CELF1: variants seen among roughly 807,000 people sequenced by gnomAD.
CELF1 encodes the protein 50 kDa nuclear polyadenylated RNA-binding protein.
CELF1 carries 10 observed loss-of-function variants against 61.8 expected under a neutral mutation model. That is an observed-to-expected ratio of 0.16 (90% CI 0.10 to 0.27). CELF1 has a LOEUF of 0.27. Ranked by LOEUF, CELF1 falls within the 10% of genes least tolerant of loss-of-function variation. The probability of loss-of-function intolerance (pLI) is 1.00; values close to 1 mark genes in which losing one functional copy is unlikely to be tolerated. For missense variants in CELF1, 380 were observed against 639.1 expected (o/e 0.59, Z 4.37); for synonymous variants, 236 against 225.1 (o/e 1.05, Z -0.43).
rs779873185 is a variant in CELF1, at chr11:47,473,139, C to T, written c.1366G>A (p.Val456Met). The change falls in exon 14 of 15, where the codon GTG becomes ATG. Residue 456 changes from valine to methionine, a missense_variant. By Grantham distance (21) the Val-to-Met change is conservative. Transcript: ENST00000687097. ...TTGTCTATGAAAACCTTGGCAGACA[C>T]GACATTCCCAAAGGGCATAAACATC... ...LQMFMPFGNV[V>M]SAKVFIDKQT... is the part of the protein sequence containing the mutation. The T allele has an allele frequency of 7.4e-6, 12 of 1,614,018 alleles. No homozygotes were observed. The highest frequency in any genetic ancestry group is 2.7e-5 in the African/African-American group (2 of 74,902).
At chr11:47,533,170 A>T (rs1224300995) in intron 1 of CELF1, among the ~76,000 whole-genome samples, 2 of 152,038 alleles carry the variant, frequency 1.3e-5, no homozygotes, top group South Asian at 2.1e-4. Flanking sequence ...TTCAAGAAAT[A>T]GTACCATACA....
intron 1 of CELF1, among the ~76,000 whole-genome samples, chr11:47,536,501 G>A (rs1365794948): frequency 6.6e-6 from 1 of 152,132 alleles, no homozygotes; most frequent in African/African-American, 2.4e-5. Flanking sequence ...GCTCATGCCT[G>A]TAATCTCAGC....
At chr11:47,516,829 C>T (rs2095581597) in intron 1 of CELF1, among the ~76,000 whole-genome samples, 1 of 152,106 alleles carries the variant, frequency 6.6e-6, no homozygotes, top group African/African-American at 2.4e-5. Flanking sequence ...TTTTGAACTC[C>T]TGACCTCAGG....
At position 47,516,960 on chromosome 11, in the gene CELF1, C is replaced by T. The variant is rs377256983; in HGVS notation, c.-153-16028G>A. Among the ~76,000 whole-genome samples the T allele has an allele frequency of 3.5e-4, 53 of 152,166 alleles. 1 individual carries two copies. The South Asian group carries it at 0.011, about 30-fold the overall frequency. On this transcript the variant is annotated intron_variant, in intron 1 of 14. Coordinates refer to ENST00000687097, the MANE Select transcript of CELF1 (RefSeq NM_001376376.1). ...CAAAATATAAAAAGGGATAGTATCT[C>T]ATCAATATTGAAAACTGAGCTGAGC...
rs1356455637 is a variant in CELF1 at position 47,466,294 on chromosome 11, AC to A, written c.*5935del. On this transcript the variant is annotated 3_prime_UTR_variant, in exon 15 of 15. Transcript: ENST00000687097. ...AAGACATTTTCTTTTGCAAATCAAA[AC>A]AGGAAAGAAAGGAAAAGCTCAAACA... 1 of 152,244 alleles carries A rather than the reference AC, an allele frequency of 6.6e-6. No homozygotes were observed. The highest frequency in any genetic ancestry group is 1.5e-5 in the Non-Finnish European group (1 of 68,046). 9.4% of individuals were successfully genotyped at this position (152,244 alleles called of 1,614,324 possible).
chr11:47,487,866 G>GTAGGAGA (rs2088540390), intron 4 of CELF1, among the ~76,000 whole-genome samples: 1 of 152,144 alleles, frequency 6.6e-6, no homozygotes, highest in African/African-American at 2.4e-5. Context: ...ATTTTGGGTA[G>GTAGGAGA]TAGGAGAGGA....
intron 1 of CELF1, among the ~76,000 whole-genome samples, chr11:47,518,598 A>G (rs978444933): frequency 3.9e-5 from 6 of 152,172 alleles, no homozygotes; most frequent in African/African-American, 1.4e-4. Context: ...TCACACTGTA[A>G]TATCTTGTCT....
chr11:47,561,541 G>A (rs1293368941), intron 2 of CELF1, among the ~76,000 whole-genome samples: 2 of 151,174 alleles, frequency 1.3e-5, no homozygotes, highest in African/African-American at 2.4e-5. Context: ...TGGCAACCAT[G>A]TGGCAACATT....
chr11:47,558,722 C>T (rs1479900792), intron 2 of CELF1, among the ~76,000 whole-genome samples: 140 of 72,422 alleles, frequency 1.9e-3, no homozygotes, highest in African/African-American at 8.2e-3. Flanking sequence ...AATATTATGA[C>T]ATATATTATA....
exon 1 of CELF1, chr11:47,565,359 C>G: frequency 4.0e-6 from 1 of 249,094 alleles, no homozygotes. Flanking sequence ...AGGGCTCACA[C>G]GTGTCTGGCC....
intron 1 of CELF1, among the ~76,000 whole-genome samples, chr11:47,543,034 C>A (rs1334638527): frequency 6.6e-6 from 1 of 152,052 alleles, no homozygotes. Flanking sequence ...GCTGGAGGAT[C>A]GCTTGAGCCC....
chr11:47,489,935 G>GTTGTTTTTTTTTTTTTTTTTTTTTTTTTT (rs1555170252), intron 3 of CELF1, among the ~76,000 whole-genome samples: 1 of 48,226 alleles, frequency 2.1e-5, no homozygotes, highest in Non-Finnish European at 3.9e-5. Flanking sequence ...ATACCATCTT[G>GTTGTTTTTTTTTTTTTTTTTTTTTTTTTT]TTTTTTTTTT....
At chr11:47,500,964 A>G (rs1382280943) in intron 1 of CELF1, 32 bp from the exon 2 acceptor site, 2 of 398,498 alleles carry the variant, frequency 5.0e-6, no homozygotes, top group Non-Finnish European at 4.4e-6. Context: ...GAACTACTAA[A>G]CACACAGAGT....
intron 1 of CELF1, among the ~76,000 whole-genome samples, chr11:47,504,344 G>C (rs2094272884): frequency 6.6e-6 from 1 of 152,026 alleles, no homozygotes; most frequent in Non-Finnish European, 1.5e-5. Flanking sequence ...CCAGCACTTT[G>C]GGAGGCCAAG....
At chr11:47,530,058 T>G (rs978430365) in intron 1 of CELF1, among the ~76,000 whole-genome samples, 1 of 152,202 alleles carries the variant, frequency 6.6e-6, no homozygotes, top group Non-Finnish European at 1.5e-5. Flanking sequence ...GCCTAAAATT[T>G]TTAGGTTCTC....
At chr11:47,540,684 G>C (rs140287883) in intron 1 of CELF1, among the ~76,000 whole-genome samples, 1,678 of 152,178 alleles carry the variant, frequency 0.011, 40 homozygotes, top group African/African-American at 0.036. Flanking sequence ...AGGAGTTCAA[G>C]ACCACCCTGG....
Position 47,472,989 on chromosome 11 carries a change from A to C in CELF1, c.1417+99T>G, listed in dbSNP as rs13377225. On this transcript the variant is annotated intron_variant, in intron 14 of 14. Coordinates refer to ENST00000687097, the MANE Select transcript of CELF1 (RefSeq NM_001376376.1). ...ACCTGCCCATGGCCAAGTTAAAACA[A>C]CACCACAAACTCATATTCAGATCTT... The C allele has an allele frequency of 2.5e-3, 3,525 of 1,384,030 alleles. 83 individuals are homozygous for C. The African/African-American group carries it at 0.044, about 17-fold the overall frequency. 85.7% of individuals were successfully genotyped at this position (1,384,030 alleles called of 1,614,324 possible). A position where few individuals can be genotyped will look rare whatever the true frequency, so the allele number is the denominator to read the frequency against.
At chr11:47,565,420 TCGGTCCCTCCTCCGAGGCCGC>T in exon 1 of CELF1, 2 of 362,560 alleles carry the variant, frequency 5.5e-6, no homozygotes, top group Non-Finnish European at 9.3e-6. Flanking sequence ...CCAGGAAACC[TCGGTCCCTCCTCCGAGGCCGC>T]CGGGCCCTCC....
intron 3 of CELF1, among the ~76,000 whole-genome samples, chr11:47,490,138 C>A (rs112617558): frequency 2.6e-5 from 4 of 151,294 alleles, no homozygotes; most frequent in African/African-American, 9.7e-5. Context: ...GGGCTTTCAC[C>A]ATGTTGGCCA....
Sources: gnomAD v4.1 joint callset for allele counts (sites outside exome capture counted in the v4.1 genomes callset) on GRCh38, gnomAD v4.1.1 for gene constraint, MANE v1.5 for transcripts, NCBI Gene and HGNC (gene_info 2026-07-23, HGNC 2026-07-21) for gene names.